Variants in CHMP1A observed in about 807,000 individuals in gnomAD.
CHMP1A encodes the protein charged multivesicular body protein 1A, also known as VPS46 homolog A.
In CHMP1A, 17 loss-of-function variants were observed where a neutral mutation model predicts 27.0. The observed-to-expected ratio is 0.63, with a 90% CI of 0.43 to 0.95. The LOEUF is 0.95. Ranked by LOEUF, CHMP1A falls within the 40% of genes least tolerant of loss-of-function variation. The probability of loss-of-function intolerance (pLI) is 0.00; values close to 1 mark genes in which losing one functional copy is unlikely to be tolerated. For synonymous variants in CHMP1A, 131 were observed against 107.5 expected (o/e 1.22, Z -1.35); for missense variants, 275 against 264.0 (o/e 1.04, Z -0.29).
At chr16:89,652,741 A>G (rs1030877515) in intron 2 of CHMP1A, among the ~76,000 whole-genome samples, 36 of 152,186 alleles carry the variant, frequency 2.4e-4, no homozygotes, top group Admixed American at 5.2e-4. Flanking sequence ...CCGTGATGGG[A>G]AAACATCCCA....
rs111772106 is a variant in CHMP1A at position 89,648,459 on chromosome 16, G to A, written c.252+892C>T. Among the ~76,000 whole-genome samples, 994 of 148,150 alleles carry A rather than the reference G, an allele frequency of 6.7e-3. 215 individuals carry two copies. Among genetic ancestry groups the A allele is most frequent in the African/African-American group, 0.025 (955 of 37,636 alleles). On this transcript the variant is annotated intron_variant, in intron 4 of 6. Coordinates refer to ENST00000397901, the MANE Select transcript of CHMP1A (RefSeq NM_002768.5). ...CCGCCGACGTGGGGTCTCCAGGACT[G>A]CTGTGCCCTCCTGGCCCACCTGCAC... is the stretch of plus-strand genomic sequence containing the variant.
intron 3 of CHMP1A, among the ~76,000 whole-genome samples, chr16:89,650,373 A>C (rs2059814378): frequency 6.6e-6 from 1 of 151,960 alleles, no homozygotes; most frequent in African/African-American, 2.4e-5. Context: ...TGCCCTGTCC[A>C]TCATGGGGAG....
At chr16:89,646,167 CT>C in intron 6 of CHMP1A, 80 bp from the exon 7 acceptor site, 1 of 1,317,010 alleles carries the variant, frequency 7.6e-7, no homozygotes, top group Non-Finnish European at 1.0e-6. Context: ...ACAGGTGACC[CT>C]TTTCCTCCTC....
intron 2 of CHMP1A, among the ~76,000 whole-genome samples, chr16:89,652,345 A>C (rs1046968582): frequency 1.1e-4 from 16 of 146,988 alleles, no homozygotes; most frequent in Non-Finnish European, 2.4e-4. Flanking sequence ...AGCCCTGGCC[A>C]CCAGCACCTC....
At position 89,651,672 on chromosome 16, in the gene CHMP1A, G is replaced by A. The variant is rs755030640; in HGVS notation, c.28-26C>T. ...CTGAGCGGAAGCCGGAATGTCCTGG[G>A]TCAGACATGCGGAGCCCATCCCCCA... On this transcript the variant is annotated intron_variant, in intron 2 of 6. Coordinates refer to ENST00000397901, the MANE Select transcript of CHMP1A (RefSeq NM_002768.5). 4 of 1,611,808 alleles carry A rather than the reference G, an allele frequency of 2.5e-6. No individual in the cohort carries two copies. The South Asian group carries it at 3.3e-5, about 13-fold the overall frequency.
In CHMP1A at chr16:89,651,637, T is replaced by C. The variant is rs2059824851; in HGVS notation, c.37A>G (p.Lys13Glu). ...TTCTTGGCCAGCTTCTCCAGCTGCT[T>C]CGCCGTGAACTGAGCGGAAGCCGGA... ...DTLFQLKFTAKQLEKLAKKAE... is the reference protein window; with the variant it reads ...DTLFQLKFTAEQLEKLAKKAE... The change falls in exon 3 of 7, where the codon AAG (lysine) becomes GAG (glutamate). Residue 13 changes from lysine (K) to glutamate (E), a missense_variant. Lys to Glu is a moderately conservative substitution (Grantham distance 56). Coordinates refer to ENST00000397901, the MANE Select transcript of CHMP1A (RefSeq NM_002768.5). 6.2e-7 allele frequency: 1 copy of C among 1,613,508 alleles called. No individual in the cohort carries two copies. The highest frequency in any genetic ancestry group is 1.7e-5 in the Admixed American group (1 of 59,982).
rs1252716151 is a variant in CHMP1A, at chr16:89,651,638, C to T, written c.36G>A (p.Ala12=). ...DDTLFQLKFT[A]KQLEKLAKKA... is the part of the protein sequence containing the mutation. ...TCTTGGCCAGCTTCTCCAGCTGCTT[C>T]GCCGTGAACTGAGCGGAAGCCGGAA... Residue 12 remains alanine (A), a synonymous_variant, in exon 3 of 7, where the codon GCG becomes GCA. Transcript: ENST00000397901. 5.6e-6 allele frequency: 9 copies of T among 1,613,620 alleles called. No individual in the cohort carries two copies. The highest frequency in any genetic ancestry group is 1.7e-4 in the Middle Eastern group (1 of 6,056).
chr16:89,651,760 C>G, intron 2 of CHMP1A, 114 bp from the exon 3 acceptor site: 1 of 1,015,330 alleles, frequency 9.8e-7, no homozygotes, highest in Non-Finnish European at 1.4e-6. Context: ...TTCCTAAGCC[C>G]CCATCAGCCA....
intron 5 of CHMP1A, chr16:89,646,971 A>T: frequency 7.3e-7 from 1 of 1,361,628 alleles, no homozygotes; most frequent in South Asian, 1.3e-5. Flanking sequence ...CTTGTCTGCC[A>T]TCCGAGCCTC....
At chr16:89,649,292 G>A (rs2059805761) in intron 4 of CHMP1A, 59 bp downstream of exon 4, 1 of 1,589,774 alleles carries the variant, frequency 6.3e-7, no homozygotes, top group Admixed American at 1.7e-5. Flanking sequence ...AGACCGCAGA[G>A]CCCATTCCTG....
intron 6 of CHMP1A, 120 bp downstream of exon 6, chr16:89,646,407 G>T (rs921012198): frequency 2.6e-6 from 3 of 1,155,682 alleles, no homozygotes; most frequent in Non-Finnish European, 3.6e-6. Flanking sequence ...CGAGATCAGG[G>T]CTCCCTGGTC....
intron 5 of CHMP1A, 109 bp from the exon 6 acceptor site, chr16:89,646,823 C>T: frequency 8.2e-7 from 1 of 1,226,246 alleles, no homozygotes; most frequent in Admixed American, 2.0e-5. Context: ...CAGCCAGCCA[C>T]CTTCTTGCCC....
intron 3 of CHMP1A, among the ~76,000 whole-genome samples, chr16:89,649,897 G>A (rs1484173106): frequency 1.3e-5 from 2 of 151,542 alleles, no homozygotes; most frequent in Admixed American, 6.6e-5. Context: ...GTGTTGAGGC[G>A]GTGGGCGGGC....
At chr16:89,656,536 A>T (rs2059872649) in intron 1 of CHMP1A, among the ~76,000 whole-genome samples, 1 of 152,204 alleles carries the variant, frequency 6.6e-6, no homozygotes, top group African/African-American at 2.4e-5. Context: ...GTTCTTTGGT[A>T]TCCCTGAGCA....
In CHMP1A at chr16:89,645,944, A is replaced by G. The variant is rs2151510713; in HGVS notation, c.*122T>C. The G allele has an allele frequency of 6.2e-7, 1 of 1,611,736 alleles. No individual in the cohort carries two copies. Among genetic ancestry groups the G allele is most frequent in the East Asian group, 2.2e-5 (1 of 44,810 alleles). On this transcript the variant is annotated 3_prime_UTR_variant, in exon 7 of 7. Coordinates refer to ENST00000397901, the MANE Select transcript of CHMP1A (RefSeq NM_002768.5). ...GCCACGCAGGCCTGGCAGGTGAGAG[A>G]CGCAGAGTGGCTGCCGGCCGCAGCC...
In CHMP1A at chr16:89,644,454, T is replaced by C. The variant is rs2059758351; in HGVS notation, c.*1612A>G. ...AGAAAGTTTCCAGGGATCCATTTGT[T>C]TATTTACAACAGCATTCTAGGAGAA... On this transcript the variant is annotated 3_prime_UTR_variant, in exon 7 of 7. Coordinates refer to ENST00000397901, the MANE Select transcript of CHMP1A (RefSeq NM_002768.5). 1 of 152,176 alleles carries C rather than the reference T, an allele frequency of 6.6e-6. No individual in the cohort carries two copies. Among genetic ancestry groups the C allele is most frequent in the African/African-American group, 2.4e-5 (1 of 41,428 alleles). 9.4% of individuals were successfully genotyped at this position (152,176 alleles called of 1,614,324 possible).
intron 4 of CHMP1A, among the ~76,000 whole-genome samples, chr16:89,647,562 GGA>G (rs1234891816): frequency 3.0e-4 from 45 of 148,922 alleles, no homozygotes; most frequent in African/African-American, 1.1e-3. Flanking sequence ...CCGCCGACGT[GGA>G]GACCCAGTGC....
chr16:89,656,668 C>T (rs958456582), intron 1 of CHMP1A, among the ~76,000 whole-genome samples: 1 of 152,228 alleles, frequency 6.6e-6, no homozygotes, highest in Non-Finnish European at 1.5e-5. Flanking sequence ...ACGCAAAGAG[C>T]TGCTGTGACC....
intron 3 of CHMP1A, 23 bp from the exon 4 acceptor site, chr16:89,649,520 G>A (rs2059807743): frequency 1.9e-6 from 3 of 1,612,902 alleles, no homozygotes; most frequent in Non-Finnish European, 1.7e-6. Flanking sequence ...GGGGAAAGCA[G>A]CTGGAAGAGC....
Sources: allele counts gnomAD v4.1 joint callset (sites outside exome capture counted in the v4.1 genomes callset), GRCh38; gene constraint gnomAD v4.1.1; transcripts MANE v1.5; gene names NCBI Gene and HGNC (gene_info 2026-07-23, HGNC 2026-07-21).